SLC2A9: variants seen among roughly 807,000 people sequenced by gnomAD.
SLC2A9 encodes solute carrier family 2, facilitated glucose transporter member 9.
In SLC2A9, 39 loss-of-function variants were observed where a neutral mutation model predicts 50.6. The observed-to-expected ratio is 0.77, with a 90% CI of 0.60 to 1.01. SLC2A9 has a LOEUF of 1.01. SLC2A9 is among the 50% of genes least tolerant of loss of function. SLC2A9 has a pLI of 0.00. For missense variants in SLC2A9, 686 were observed against 677.6 expected (o/e 1.01, Z -0.14); for synonymous variants, 324 against 276.9 (o/e 1.17, Z -1.69).
intron 10 of SLC2A9, among the ~76,000 whole-genome samples, chr4:9,886,674 G>A (rs570040945): frequency 6.6e-6 from 1 of 152,128 alleles, no homozygotes; most frequent in South Asian, 2.1e-4. Context: ...CCTTTGTTCT[G>A]ATAGAAACTT....
intron 8 of SLC2A9, among the ~76,000 whole-genome samples, chr4:9,894,353 T>C (rs533789565): frequency 1.4e-4 from 21 of 152,370 alleles, no homozygotes; most frequent in South Asian, 1.2e-3. Flanking sequence ...CATGTAGTTA[T>C]ATAATATCAA....
chr4:9,838,758 G>A (rs1727507435), intron 10 of SLC2A9, among the ~76,000 whole-genome samples: 2 of 152,072 alleles, frequency 1.3e-5, no homozygotes, highest in African/African-American at 4.8e-5. Flanking sequence ...ATGGGGAAAG[G>A]ACTGTATTCA....
At chr4:10,021,504 G>A, upstream of SLC2A9, 1 of 1,603,966 alleles carries the variant, frequency 6.2e-7, no homozygotes, top group East Asian at 2.2e-5. Context: ...GAGTGAGGAG[G>A]CAGAGTCCAC....
chr4:10,016,556 T>C (rs1210683994), intron 2 of SLC2A9, among the ~76,000 whole-genome samples: 1 of 151,966 alleles, frequency 6.6e-6, no homozygotes, highest in Admixed American at 6.6e-5. Context: ...GCTGTGTAGA[T>C]CTTCAGAAAT....
chr4:9,943,592 G>A lies in SLC2A9; in HGVS notation c.682-1547C>T, dbSNP rs371199910. On this transcript the variant is annotated intron_variant, in intron 5 of 11. Coordinates refer to ENST00000264784, the MANE Select transcript of SLC2A9 (RefSeq NM_020041.3). ...AATTAGGGAAGGCCGATGGTGGCCC[G>A]ACTCCGTGAAGATACCAAAACCCAC... Among the ~76,000 whole-genome samples, 29 of 152,250 alleles carry A rather than the reference G, an allele frequency of 1.9e-4. No homozygotes were observed. The South Asian group carries it at 3.5e-3, about 19-fold the overall frequency.
intron 10 of SLC2A9, among the ~76,000 whole-genome samples, chr4:9,871,991 C>A (rs1279502392): frequency 6.6e-6 from 1 of 152,162 alleles, no homozygotes; most frequent in Non-Finnish European, 1.5e-5. Context: ...GCTGAGGAAT[C>A]ATTCAGGAAA....
At chr4:10,036,515 T>C (rs184724380) in intron 1 of SLC2A9, among the ~76,000 whole-genome samples, 1 of 152,350 alleles carries the variant, frequency 6.6e-6, no homozygotes, top group East Asian at 1.9e-4. Context: ...CATGTGGTGG[T>C]TTCAATATTC....
At chr4:9,910,858 T>C (rs1303495707) in intron 7 of SLC2A9, among the ~76,000 whole-genome samples, 1 of 152,138 alleles carries the variant, frequency 6.6e-6, no homozygotes, top group East Asian at 1.9e-4. Context: ...GGGAAATTGA[T>C]GAAGCTGGAA....
chr4:10,027,999 C>A (rs1461805125), intron 1 of SLC2A9, among the ~76,000 whole-genome samples: 4 of 152,184 alleles, frequency 2.6e-5, no homozygotes, highest in African/African-American at 9.6e-5. Flanking sequence ...CTGCACACTT[C>A]CAGAGCCTGG....
chr4:9,867,919 C>T (rs752769839), intron 10 of SLC2A9, among the ~76,000 whole-genome samples: 1 of 151,704 alleles, frequency 6.6e-6, no homozygotes, highest in African/African-American at 2.4e-5. Context: ...CACATGCGTG[C>T]CCCCCCCACC....
intron 4 of SLC2A9, among the ~76,000 whole-genome samples, chr4:9,982,790 A>G (rs140607517): frequency 1.8e-3 from 272 of 152,374 alleles, no homozygotes; most frequent in African/African-American, 6.2e-3. Context: ...TACCATCAGC[A>G]TTCCTGGAGT....
chr4:10,032,629 A>G (rs1204710733), intron 1 of SLC2A9, among the ~76,000 whole-genome samples: 1 of 152,134 alleles, frequency 6.6e-6, no homozygotes, highest in East Asian at 1.9e-4. Flanking sequence ...CAAGTCTACT[A>G]ATAGTAAACT....
chr4:9,831,355 C>T (rs935965802), intron 11 of SLC2A9, among the ~76,000 whole-genome samples: 4 of 152,092 alleles, frequency 2.6e-5, no homozygotes, highest in African/African-American at 9.7e-5. Context: ...CAGATCAACA[C>T]AGAAGGGAGA....
intron 3 of SLC2A9, among the ~76,000 whole-genome samples, chr4:9,989,851 CTGGGCTTTT>C (rs1757382278): frequency 6.6e-6 from 1 of 151,960 alleles, no homozygotes. Context: ...CTTCTTGCCC[CTGGGCTTTT>C]GCACCTGCTG....
At chr4:9,907,027 A>C (rs1423176136) in intron 8 of SLC2A9, among the ~76,000 whole-genome samples, 1 of 152,288 alleles carries the variant, frequency 6.6e-6, no homozygotes. Flanking sequence ...ATGTTCTGTC[A>C]ACAAGAAGTC....
downstream of SLC2A9, among the ~76,000 whole-genome samples, chr4:9,797,504 G>A (rs1720734125): frequency 6.6e-6 from 1 of 152,202 alleles, no homozygotes; most frequent in Non-Finnish European, 1.5e-5. Flanking sequence ...GTCTGCATAT[G>A]TATGAGCCTC....
chr4:9,988,873 G>A (rs1476270929), intron 3 of SLC2A9, among the ~76,000 whole-genome samples: 2 of 152,240 alleles, frequency 1.3e-5, no homozygotes, highest in African/African-American at 2.4e-5. Context: ...GAAAGCAGGA[G>A]AGCCACCTTC....
chr4:9,855,651 T>C (rs867814169), intron 10 of SLC2A9, among the ~76,000 whole-genome samples: 1 of 152,062 alleles, frequency 6.6e-6, no homozygotes, highest in Non-Finnish European at 1.5e-5. Context: ...AGAGCCCACA[T>C]AGCCCAGATC....
intron 6 of SLC2A9, among the ~76,000 whole-genome samples, chr4:9,932,543 G>C (rs773450532): frequency 1.3e-5 from 2 of 152,234 alleles, no homozygotes; most frequent in Admixed American, 6.5e-5. Context: ...GGGACACTGA[G>C]CTATGGCAGC....
Sources: allele counts gnomAD v4.1 joint callset (sites outside exome capture counted in the v4.1 genomes callset), GRCh38; gene constraint gnomAD v4.1.1; transcripts MANE v1.5; gene names NCBI Gene and HGNC (gene_info 2026-07-23, HGNC 2026-07-21).